Variants in CDH12 observed in about 807,000 individuals in gnomAD.
CDH12 encodes the protein cadherin 12.
In CDH12, 41 loss-of-function variants were observed where a neutral mutation model predicts 74.1. That is an observed-to-expected ratio of 0.55 (90% confidence interval 0.43 to 0.72). The LOEUF is 0.72. CDH12 is among the 30% of genes least tolerant of loss of function. CDH12 has a pLI of 0.00. For synonymous variants in CDH12, 399 were observed against 355.0 expected (o/e 1.12, Z -1.39); for missense variants, 945 against 977.2 (o/e 0.97, Z 0.44).
chr5:22,609,395 T>C (rs567833692), intron 1 of CDH12, among the ~76,000 whole-genome samples: 2 of 152,316 alleles, frequency 1.3e-5, no homozygotes, highest in East Asian at 3.9e-4. Context: ...CTTACAACAC[T>C]CACTATATAA....
At chr5:22,649,629 C>T (rs189790211) in intron 1 of CDH12, among the ~76,000 whole-genome samples, 1 of 152,084 alleles carries the variant, frequency 6.6e-6, no homozygotes, top group East Asian at 1.9e-4. Flanking sequence ...GTGATACGAG[C>T]TTTCTTAAAC....
chr5:22,255,266 T>A (rs1467779688), intron 3 of CDH12, among the ~76,000 whole-genome samples: 1 of 151,854 alleles, frequency 6.6e-6, no homozygotes, highest in Non-Finnish European at 1.5e-5. Flanking sequence ...ATTTGTGATT[T>A]TTTTTTTTGA....
chr5:22,203,658 G>T (rs1751042376), intron 4 of CDH12, among the ~76,000 whole-genome samples: 1 of 152,066 alleles, frequency 6.6e-6, no homozygotes, highest in South Asian at 2.1e-4. Flanking sequence ...TTAATATTTT[G>T]AGAAACCTTC....
chr5:21,887,068 T>G (rs1752670176), intron 6 of CDH12, among the ~76,000 whole-genome samples: 1 of 152,176 alleles, frequency 6.6e-6, no homozygotes, highest in Admixed American at 6.5e-5. Flanking sequence ...TAAAATTGTT[T>G]AGGATTTTCA....
chr5:22,205,432 T>C (rs1483677086), intron 4 of CDH12, among the ~76,000 whole-genome samples: 1 of 152,110 alleles, frequency 6.6e-6, no homozygotes, highest in African/African-American at 2.4e-5. Context: ...AGAAGAGTAA[T>C]AGGAAATTAT....
At chr5:22,739,243 T>A (rs1246338919) in intron 1 of CDH12, among the ~76,000 whole-genome samples, 1 of 151,968 alleles carries the variant, frequency 6.6e-6, no homozygotes, top group Admixed American at 6.6e-5. Flanking sequence ...TGAAAATGAA[T>A]GTATTAGGGC....
chr5:22,536,887 G>GT (rs1404589871), intron 1 of CDH12, among the ~76,000 whole-genome samples: 1 of 152,056 alleles, frequency 6.6e-6, no homozygotes, highest in Non-Finnish European at 1.5e-5. Flanking sequence ...TCTTTTTGTG[G>GT]TTTTTCTGAT....
At chr5:21,771,043 A>G (rs973766012) in intron 11 of CDH12, among the ~76,000 whole-genome samples, 3 of 152,130 alleles carry the variant, frequency 2.0e-5, no homozygotes, top group African/African-American at 7.2e-5. Context: ...GGGATAATAG[A>G]CATCAGGGCC....
chr5:22,090,490 A>G (rs1379841413), intron 4 of CDH12, among the ~76,000 whole-genome samples: 1 of 121,746 alleles, frequency 8.2e-6, no homozygotes, highest in Non-Finnish European at 1.6e-5. Flanking sequence ...TGTAAACTCA[A>G]AAAAAAAAAA....
At chr5:22,458,354 T>TA (rs1473020141) in intron 2 of CDH12, among the ~76,000 whole-genome samples, 1 of 152,144 alleles carries the variant, frequency 6.6e-6, no homozygotes, top group Non-Finnish European at 1.5e-5. Flanking sequence ...GATCCCATCC[T>TA]AAAAAAACTC....
intron 10 of CDH12, among the ~76,000 whole-genome samples, chr5:21,784,265 C>T (rs536901869): frequency 1.3e-5 from 2 of 151,924 alleles, no homozygotes; most frequent in Admixed American, 6.6e-5. Context: ...ATATATGGAT[C>T]GGCATTATGT....
chr5:21,869,321 C>T (rs1319729149), intron 6 of CDH12, among the ~76,000 whole-genome samples: 1 of 152,006 alleles, frequency 6.6e-6, no homozygotes, highest in African/African-American at 2.4e-5. Flanking sequence ...CAGGAATGAC[C>T]CAGAGTCTTC....
At chr5:22,418,246 T>C (rs747532304) in intron 2 of CDH12, among the ~76,000 whole-genome samples, 12 of 148,862 alleles carry the variant, frequency 8.1e-5, no homozygotes, top group Non-Finnish European at 1.5e-4. Context: ...GGCTCTTTGT[T>C]TGTCTATTAT....
intron 1 of CDH12, among the ~76,000 whole-genome samples, chr5:22,529,178 TATATATATATAGAGAGAGAGAG>T (rs1561470495): frequency 1.2e-5 from 1 of 81,744 alleles, no homozygotes. Context: ...TATATATATA[TATATATATATAGAGAGAGAGAG>T]AGAGAGAGAG....
intron 6 of CDH12, among the ~76,000 whole-genome samples, chr5:21,965,664 C>T (rs1188466117): frequency 1.3e-5 from 2 of 151,480 alleles, no homozygotes; most frequent in Non-Finnish European, 2.9e-5. Flanking sequence ...ACCTGTGATA[C>T]CTTCACTCTA....
At chr5:22,075,660 TA>T (rs1046104891) in intron 5 of CDH12, among the ~76,000 whole-genome samples, 29 of 152,158 alleles carry the variant, frequency 1.9e-4, no homozygotes, top group African/African-American at 6.7e-4. Context: ...TTTAATTGAC[TA>T]GGCTATCAGT....
At chr5:22,639,429 CTTCTT>C (rs1482841837) in intron 1 of CDH12, among the ~76,000 whole-genome samples, 1 of 125,846 alleles carries the variant, frequency 7.9e-6, no homozygotes, top group Admixed American at 9.0e-5. Flanking sequence ...AGCTTTTCTT[CTTCTT>C]TTTTTTTTTT....
intron 2 of CDH12, among the ~76,000 whole-genome samples, chr5:22,495,591 C>A (rs996632444): frequency 2.6e-4 from 39 of 151,990 alleles, no homozygotes; most frequent in Non-Finnish European, 4.6e-4. Context: ...TACACACACA[C>A]ACATAAATAT....
rs1210258087 is a variant in CDH12, at chr5:22,131,183, A to G, written c.-186-52321T>C. On this transcript the variant is annotated intron_variant, in intron 4 of 14. Transcript: ENST00000382254. ...ACAACTCTATGTATAGATATGTCTA[A>G]CTGTCAGCTTCTATATAAACATTTT... Among the ~76,000 whole-genome samples, 4 of 152,208 alleles carry G rather than the reference A, an allele frequency of 2.6e-5. No homozygotes were observed. The East Asian group carries it at 7.7e-4, about 29-fold the overall frequency.
Sources: gnomAD v4.1 joint callset for allele counts (sites outside exome capture counted in the v4.1 genomes callset) on GRCh38, gnomAD v4.1.1 for gene constraint, MANE v1.5 for transcripts, NCBI Gene and HGNC (gene_info 2026-07-23, HGNC 2026-07-21) for gene names.